BCAS3: variants seen among roughly 807,000 people sequenced by gnomAD.
BCAS3 encodes the protein BCAS3 microtubule associated cell migration factor.
A neutral mutation model predicts 116.1 loss-of-function variants in BCAS3; 53 were observed. The ratio of observed to expected loss-of-function variants is 0.46; its 90% CI spans 0.37 to 0.57. The LOEUF is 0.57. Among genes scored for constraint, BCAS3 ranks in the 20% least tolerant of loss-of-function variants. The probability of loss-of-function intolerance (pLI) is 0.00; values close to 1 mark genes in which losing one functional copy is unlikely to be tolerated. For synonymous variants in BCAS3, 391 were observed against 408.2 expected (o/e 0.96, Z 0.51); for missense variants, 917 against 1,165.4 (o/e 0.79, Z 3.10).
Position 60,846,038 on chromosome 17 carries a change from C to G in BCAS3, c.477-22538C>G, listed in dbSNP as rs550471957. On this transcript the variant is annotated intron_variant, in intron 7 of 23. Transcript: ENST00000407086. ...CAACCTTCCAGGCTCAAGCAATCCT[C>G]CCACCTCAGTCTCCTGAGTAGCTGG... Among the ~76,000 whole-genome samples, 9 of 152,152 alleles carry G rather than the reference C, an allele frequency of 5.9e-5. No individual in the cohort carries two copies. In the South Asian group the frequency reaches 1.9e-3, roughly 32 times the overall value.
chr17:61,128,206 C>G lies in BCAS3; in HGVS notation c.2425+43642C>G. On this transcript the variant is annotated intron_variant, in intron 22 of 23. Transcript: ENST00000407086. This position sits in a 1 kb window ranked among gnomAD's most constrained non-coding sequence, Gnocchi z 4.1. ...GCCTTCCACCAGGAATAGTGTGAGT[C>G]AAGGATGAGTACATGAAGATGAAGC... The G allele has an allele frequency of 1.0e-6, 1 of 985,370 alleles. No homozygotes were observed. The highest frequency in any genetic ancestry group is 1.2e-6 in the Non-Finnish European group (1 of 829,912). 61.0% of individuals were successfully genotyped at this position (985,370 alleles called of 1,614,324 possible).
intron 22 of BCAS3, among the ~76,000 whole-genome samples, chr17:61,149,407 G>GT (rs1350062055): frequency 2.6e-5 from 4 of 151,862 alleles, no homozygotes; most frequent in East Asian, 3.9e-4. Flanking sequence ...ATAGCTAGTA[G>GT]TTTTTTTTCT....
chr17:61,051,903 G>A lies in BCAS3; in HGVS notation c.2029+11011G>A, dbSNP rs73324836. Reference sequence around the variant, plus strand: ...AATCAATGACCTCAGCTTCCACATTGAGAAACTAGACAAAGTAGAGGAAAT... The same window carrying A: ...AATCAATGACCTCAGCTTCCACATTAAGAAACTAGACAAAGTAGAGGAAAT... On this transcript the variant is annotated intron_variant, in intron 19 of 23. Coordinates refer to ENST00000407086, the MANE Select transcript of BCAS3 (RefSeq NM_017679.5). This position sits in a 1 kb window ranked among gnomAD's most constrained non-coding sequence, Gnocchi z 4.1. Among the ~76,000 whole-genome samples the A allele has an allele frequency of 0.15, 22,309 of 152,008 alleles. 5,111 individuals carry two copies. The highest frequency in any genetic ancestry group is 0.49 in the African/African-American group (20,337 of 41,382).
At chr17:61,075,361 C>G (rs1471501847) in intron 20 of BCAS3, among the ~76,000 whole-genome samples, 2 of 152,146 alleles carry the variant, frequency 1.3e-5, no homozygotes, top group Non-Finnish European at 2.9e-5. Context: ...GTCACCCAAG[C>G]TGGAGTGCAG....
chr17:60,972,298 G>C (rs1227244194), intron 14 of BCAS3, among the ~76,000 whole-genome samples: 1 of 152,130 alleles, frequency 6.6e-6, no homozygotes, highest in African/African-American at 2.4e-5. Context: ...TCCATGAAAA[G>C]CATGGACTAG....
intron 22 of BCAS3, among the ~76,000 whole-genome samples, chr17:61,284,665 CTT>C (rs371131514): frequency 6.8e-6 from 1 of 146,358 alleles, no homozygotes; most frequent in African/African-American, 2.5e-5. Flanking sequence ...TTCCTCTACT[CTT>C]TTTTTTTTTC....
At chr17:61,058,529 A>G (rs189047272) in intron 19 of BCAS3, among the ~76,000 whole-genome samples, 4 of 152,254 alleles carry the variant, frequency 2.6e-5, no homozygotes, top group Admixed American at 2.6e-4. Flanking sequence ...CCGTGGTTGC[A>G]TCATGTACAC....
Position 61,332,099 on chromosome 17 carries a change from G to A in BCAS3, c.2426-36228G>A, listed in dbSNP as rs1219934370. Among the ~76,000 whole-genome samples the A allele has an allele frequency of 6.6e-6, 1 of 152,210 alleles. No individual in the cohort carries two copies. Among genetic ancestry groups the A allele is most frequent in the Non-Finnish European group, 1.5e-5 (1 of 68,038 alleles). On this transcript the variant is annotated intron_variant, in intron 22 of 23. Transcript: ENST00000407086. This position sits in a 1 kb window ranked among gnomAD's most constrained non-coding sequence, Gnocchi z 5.4. The stretch of plus-strand genomic sequence containing the variant: ...AGCAGGGCGAGGCTGCCTCAGACAA[G>A]TGCAGAGAGTTGCCACCCAGCCCGC...
intron 14 of BCAS3, among the ~76,000 whole-genome samples, chr17:60,976,276 G>C (rs953865904): frequency 6.6e-6 from 1 of 151,128 alleles, no homozygotes; most frequent in Admixed American, 6.6e-5. Context: ...CACCCGCCTC[G>C]GCCTGCCAAA....
Position 61,261,789 on chromosome 17 carries a change from G to C in BCAS3, c.2426-106538G>C, listed in dbSNP as rs141465798. Among the ~76,000 whole-genome samples, 994 of 152,242 alleles carry C rather than the reference G, an allele frequency of 6.5e-3. 4 individuals carry two copies. The highest frequency in any genetic ancestry group is 0.023 in the African/African-American group (943 of 41,532). On this transcript the variant is annotated intron_variant, in intron 22 of 23. Coordinates refer to ENST00000407086, the MANE Select transcript of BCAS3 (RefSeq NM_017679.5). The surrounding 1 kb of genome is among the most constrained non-coding windows in gnomAD (Gnocchi z 4.4). ...GACTTCTCATTTCTGTATCAGAATGGTTATATCATTCCCTCCAGGGCGCAT... is the reference window on the plus strand; with the variant it reads ...GACTTCTCATTTCTGTATCAGAATGCTTATATCATTCCCTCCAGGGCGCAT...
Position 61,082,593 on chromosome 17 carries a change from G to A in BCAS3, c.2328-1874G>A, listed in dbSNP as rs1459154376. 2.6e-5 allele frequency among the ~76,000 whole-genome samples: 4 copies of A among 152,152 alleles called. No individual in the cohort carries two copies. Among genetic ancestry groups the A allele is most frequent in the Admixed American group, 2.6e-4 (4 of 15,270 alleles). ...ACATAGGAAGTTGTTTAGACTAGAA[G>A]GGGGCATAATTTTGAATGGACTGAC... On this transcript the variant is annotated intron_variant, in intron 21 of 23. Coordinates refer to ENST00000407086, the MANE Select transcript of BCAS3 (RefSeq NM_017679.5). This position sits in a 1 kb window ranked among gnomAD's most constrained non-coding sequence, Gnocchi z 5.1.
Position 60,770,834 on chromosome 17 carries a change from GTTTTTTTTTTTTTT to G in BCAS3, c.403+23573_403+23586del, listed in dbSNP as rs60854011. Among the ~76,000 whole-genome samples, 146 of 76,776 alleles carry G rather than the reference GTTTTTTTTTTTTTT, an allele frequency of 1.9e-3. 3 individuals carry two copies. Among genetic ancestry groups the G allele is most frequent in the Middle Eastern group, 0.011 (1 of 90 alleles). 50.4% of individuals were successfully genotyped at this position (76,776 alleles called of 152,430 possible). On this transcript the variant is annotated intron_variant, in intron 6 of 23. Transcript: ENST00000407086. ...GATCTTGAACCTAAAACTGAAATTT[GTTTTTTTTTTTTTT>G]TTTTTTTTTTTTTTTTTGAGACAGG...
chr17:61,123,411 A>G (rs1425735176), intron 22 of BCAS3, among the ~76,000 whole-genome samples: 1 of 152,190 alleles, frequency 6.6e-6, no homozygotes, highest in East Asian at 1.9e-4. Flanking sequence ...GGACATATTC[A>G]GTATAAAAAC....
rs1426066379 is a variant in BCAS3 at position 61,141,284 on chromosome 17, A to C, written c.2425+56720A>C. 2.0e-5 allele frequency among the ~76,000 whole-genome samples: 3 copies of C among 152,198 alleles called. No homozygotes were observed. The highest frequency in any genetic ancestry group is 1.3e-4 in the Admixed American group (2 of 15,272). ...ATAAAGAAGTTAAATTAGGCTGGGC[A>C]TGGGGGTTCATTCCTGTAATCCCAG... On this transcript the variant is annotated intron_variant, in intron 22 of 23. Coordinates refer to ENST00000407086, the MANE Select transcript of BCAS3 (RefSeq NM_017679.5). The surrounding 1 kb of genome is among the most constrained non-coding windows in gnomAD (Gnocchi z 4.3).
intron 22 of BCAS3, among the ~76,000 whole-genome samples, chr17:61,138,930 C>T (rs2076783838): frequency 1.3e-5 from 2 of 152,102 alleles, no homozygotes; most frequent in South Asian, 4.1e-4. Context: ...TTTTCATCAG[C>T]AGTACATTCT....
chr17:61,146,986 C>G (rs1460162510), intron 22 of BCAS3, among the ~76,000 whole-genome samples: 1 of 152,046 alleles, frequency 6.6e-6, no homozygotes. Flanking sequence ...GTGATCATGG[C>G]TTACTGCAGC....
At chr17:61,304,198 A>G (rs1202763900) in intron 22 of BCAS3, among the ~76,000 whole-genome samples, 5 of 152,118 alleles carry the variant, frequency 3.3e-5, no homozygotes, top group Non-Finnish European at 7.4e-5. Flanking sequence ...TAATTTAATT[A>G]TCTGGTCTTC....
chr17:60,830,218 T>A (rs1024311183), intron 7 of BCAS3, among the ~76,000 whole-genome samples: 6 of 152,240 alleles, frequency 3.9e-5, no homozygotes, highest in African/African-American at 7.2e-5. Context: ...GTTAAACTCC[T>A]GACCTCATGA....
At chr17:60,842,532 C>G (rs2052044870) in intron 7 of BCAS3, among the ~76,000 whole-genome samples, 1 of 151,898 alleles carries the variant, frequency 6.6e-6, no homozygotes, top group Non-Finnish European at 1.5e-5. Context: ...AGAACCCTGA[C>G]TTTAGCTAGT....
Sources: allele counts gnomAD v4.1 joint callset (sites outside exome capture counted in the v4.1 genomes callset), GRCh38; gene constraint gnomAD v4.1.1; non-coding constraint Gnocchi (gnomAD v3.1); transcripts MANE v1.5; gene names NCBI Gene and HGNC (gene_info 2026-07-23, HGNC 2026-07-21).